FAM111A: variants seen among roughly 807,000 people sequenced by gnomAD.
The protein encoded by FAM111A is serine protease FAM111A.
A neutral mutation model predicts 3.3 loss-of-function variants in FAM111A; 8 were observed. That is an observed-to-expected ratio of 2.39 (90% confidence interval 1.40 to 4.32). The LOEUF (loss-of-function observed/expected upper bound fraction) is 4.32. Ranked by LOEUF, FAM111A falls within the 30% of genes most tolerant of loss-of-function variation. The pLI is 0.00. For synonymous variants in FAM111A, 227 were observed against 243.1 expected (o/e 0.93, Z 0.62); for missense variants, 683 against 727.6 (o/e 0.94, Z 0.71).
Position 59,151,737 on chromosome 11 carries a change from C to G in FAM111A, c.82-13C>G, listed in dbSNP as rs1198265889. 2 of 1,548,590 alleles carry G rather than the reference C, an allele frequency of 1.3e-6. No homozygotes were observed. The highest frequency in any genetic ancestry group is 1.7e-6 in the Non-Finnish European group (2 of 1,149,882). On this transcript the variant is annotated splice_polypyrimidine_tract_variant and intron_variant, in intron 5 of 5. Transcript: ENST00000675163. ...GCATTCAGAGTTTTAAAGTATCTAA[C>G]ATTTATTTTTAGGTCTCTAAAGAGC...
Position 59,153,360 on chromosome 11 carries a change from C to A in FAM111A, c.1692C>A (p.Tyr564Ter), listed in dbSNP as rs1400352534. 3 of 1,614,016 alleles carry A rather than the reference C, an allele frequency of 1.9e-6. No homozygotes were observed. The highest frequency in any genetic ancestry group is 1.7e-5 in the Admixed American group (1 of 59,994). Reference protein sequence around the residue: ...AMHAAGFAYTYQNETRSIIEF... With the variant: ...AMHAAGFAYT ...ATGCTGCTGGCTTTGCTTATACTTA[C>A]CAAAATGAGACTCGTAGTATCATTG... Residue 564 changes from tyrosine to a stop codon, truncating the protein, a stop_gained, in exon 6 of 6, where the codon TAC becomes TAA. Coordinates refer to ENST00000675163, the MANE Select transcript of FAM111A (RefSeq NM_001312909.2). LOFTEE classifies it low-confidence loss of function (END_TRUNC).
chr11:59,149,082 T>C, intron 5 of FAM111A, 129 bp downstream of exon 5: 1 of 661,382 alleles, frequency 1.5e-6, no homozygotes, highest in Non-Finnish European at 2.7e-6. Context: ...GGCATAGTAT[T>C]GGCATATAAT....
In FAM111A at chr11:59,153,297, C is replaced by T. The variant is rs751617586; in HGVS notation, c.1629C>T (p.Ser543=). 2 of 1,614,134 alleles carry T rather than the reference C, an allele frequency of 1.2e-6. No homozygotes were observed. The highest frequency in any genetic ancestry group is 4.5e-5 in the East Asian group (2 of 44,882). ...AATTTTTCTTTGGGGCTTCCGGCTC[C>T]CCTGTGTTTGATTCAAAAGGTTCAT... is the stretch of plus-strand genomic sequence containing the variant. ...DTEFFFGASG[S]PVFDSKGSLV... is the part of the protein sequence containing the mutation. Residue 543 remains serine (S), a synonymous_variant, in exon 6 of 6, where the codon TCC becomes TCT. Transcript: ENST00000675163.
In FAM111A at chr11:59,152,070, CAA is replaced by C; in HGVS notation, c.404_405del (p.Lys135ArgfsTer14). 1 of 1,614,148 alleles carries C rather than the reference CAA, an allele frequency of 6.2e-7. No homozygotes were observed. The highest frequency in any genetic ancestry group is 8.5e-7 in the Non-Finnish European group (1 of 1,180,024). On this transcript the variant is annotated frameshift_variant, in exon 6 of 6. Transcript: ENST00000675163. LOFTEE classifies it low-confidence loss of function (END_TRUNC). The part of the protein sequence containing the change: ...EMLVRGTEGI[K>X]EYINLGMPLS... ...TGCTTGTGCGTGGCACAGAAGGAAT[CAA>C]AGAGTACATAAACCTTGGAATGCCC...
chr11:59,153,340 G>A lies in FAM111A; in HGVS notation c.1672G>A (p.Ala558Thr). 6.2e-7 allele frequency: 1 copy of A among 1,614,150 alleles called. No homozygotes were observed. Among genetic ancestry groups the A allele is most frequent in the Non-Finnish European group, 8.5e-7 (1 of 1,180,024 alleles). Residue 558 changes from alanine (A) to threonine (T), a missense_variant, in exon 6 of 6, where the codon GCT becomes ACT. This residue lies in a region of FAM111A where 122 missense variants were observed against 110.9 expected (regional missense o/e 1.10). Coordinates refer to ENST00000675163, the MANE Select transcript of FAM111A (RefSeq NM_001312909.2). The part of the protein sequence containing the change: ...SKGSLVAMHA[A>T]GFAYTYQNET... ...AGGTTCATTGGTGGCCATGCATGCTGCTGGCTTTGCTTATACTTACCAAAA... is the reference window on the plus strand; with the variant it reads ...AGGTTCATTGGTGGCCATGCATGCTACTGGCTTTGCTTATACTTACCAAAA...
chr11:59,153,649 C>T lies in FAM111A; in HGVS notation c.*145C>T. The T allele has an allele frequency of 1.5e-6, 1 of 659,626 alleles. No homozygotes were observed. The highest frequency in any genetic ancestry group is 2.2e-5 in the South Asian group (1 of 45,734). 40.9% of individuals were successfully genotyped at this position (659,626 alleles called of 1,614,324 possible). On this transcript the variant is annotated 3_prime_UTR_variant, in exon 6 of 6. Transcript: ENST00000675163. ...CCTATCTGCCAGGCATTTTTCTAAG[C>T]ACATGAAGAAATTAGTCCTAACAAC... is the stretch of plus-strand genomic sequence containing the variant.
In FAM111A at chr11:59,152,199, A is replaced by G. The variant is rs185713600; in HGVS notation, c.531A>G (p.Ala177=). 37 of 1,614,220 alleles carry G rather than the reference A, an allele frequency of 2.3e-5. No homozygotes were observed. In the Admixed American group the frequency reaches 6.2e-4, roughly 27 times the overall value. The change falls in exon 6 of 6, where the codon GCA becomes GCG. Residue 177 remains alanine, a synonymous_variant. Coordinates refer to ENST00000675163, the MANE Select transcript of FAM111A (RefSeq NM_001312909.2). ...ACATATTTGGCAGGCAGGACAAAGC[A>G]TCGACTGAATGTGTCAAATTTTACA... ...DNHIFGRQDK[A]STECVKFYIH...
intron 3 of FAM111A, chr11:59,145,319 G>A (rs1860713843): frequency 6.6e-6 from 1 of 152,410 alleles, no homozygotes; most frequent in Admixed American, 6.6e-5. Flanking sequence ...GAGATTGAGA[G>A]ACAGAGAAAT....
chr11:59,150,846 CCTT>C (rs1215367798), intron 5 of FAM111A, among the ~76,000 whole-genome samples: 1 of 152,086 alleles, frequency 6.6e-6, no homozygotes, highest in Non-Finnish European at 1.5e-5. Context: ...GTTTGTTCCT[CCTT>C]ATTTTATAAA....
In FAM111A at chr11:59,151,801, T is replaced by A. The variant is rs369963232; in HGVS notation, c.133T>A (p.Ser45Thr). The change falls in exon 6 of 6, where the codon TCT becomes ACT. Residue 45 changes from serine to threonine, a missense_variant. This residue lies in a region of FAM111A where 557 missense variants were observed against 600.2 expected (regional missense o/e 0.93). Transcript: ENST00000675163. ...CAGTACTTCTCTAATGAGGATGGAG[T>A]CTAGAGGAGACCCAAGAGCCACAAC... The part of the protein sequence containing the change: ...NCSTSLMRME[S>T]RGDPRATTNT... 29 of 1,612,862 alleles carry A rather than the reference T, an allele frequency of 1.8e-5. No homozygotes were observed. Among genetic ancestry groups the A allele is most frequent in the South Asian group, 1.1e-5 (1 of 90,916 alleles).
chr11:59,152,876 T>A lies in FAM111A; in HGVS notation c.1208T>A (p.Ile403Lys). 6.2e-7 allele frequency: 1 copy of A among 1,614,174 alleles called. No homozygotes were observed. Among genetic ancestry groups the A allele is most frequent in the Non-Finnish European group, 8.5e-7 (1 of 1,180,032 alleles). ...ATAGAGCCAAGTAAGTGGGCAACCA[T>A]AATTGGTCAATGTGTAAGGGTGACA... ...DGIEPSKWAT[I>K]IGQCVRVTFG... Residue 403 changes from isoleucine (I) to lysine (K), a missense_variant, in exon 6 of 6, where the codon ATA becomes AAA. Around this residue, in one of 3 missense-constraint regions of FAM111A, gnomAD observed 557 missense variants for 600.2 expected, o/e 0.93. Coordinates refer to ENST00000675163, the MANE Select transcript of FAM111A (RefSeq NM_001312909.2).
rs373283583 is a variant in FAM111A, at chr11:59,152,719, G to T, written c.1051G>T (p.Val351Leu). 2 of 1,614,102 alleles carry T rather than the reference G, an allele frequency of 1.2e-6. No individual in the cohort carries two copies. Among genetic ancestry groups the T allele is most frequent in the African/African-American group, 2.7e-5 (2 of 74,950 alleles). Reference protein sequence around the residue: ...SSSIKVVKLLVRLSDSVGYLF... With the variant: ...SSSIKVVKLLLRLSDSVGYLF... ...TTCGATTAAAGTAGTGAAACTTCTTGTACGTCTCAGTGACTCAGTTGGGTA... is the reference window on the plus strand; with the variant it reads ...TTCGATTAAAGTAGTGAAACTTCTTTTACGTCTCAGTGACTCAGTTGGGTA... The change falls in exon 6 of 6, where the codon GTA becomes TTA. Residue 351 changes from valine (V) to leucine (L), a missense_variant. Physicochemically the swap from Val to Leu is conservative, Grantham distance 32. Transcript: ENST00000675163.
rs747556023 is a variant in FAM111A at position 59,152,718 on chromosome 11, T to G, written c.1050T>G (p.Leu350=). Residue 350 remains leucine, a synonymous_variant, in exon 6 of 6, where the codon CTT becomes CTG. Transcript: ENST00000675163. ...NSSSIKVVKL[L]VRLSDSVGYL... ...CTTCGATTAAAGTAGTGAAACTTCTTGTACGTCTCAGTGACTCAGTTGGGT... is the reference window on the plus strand; with the variant it reads ...CTTCGATTAAAGTAGTGAAACTTCTGGTACGTCTCAGTGACTCAGTTGGGT... The G allele has an allele frequency of 1.2e-6, 2 of 1,614,250 alleles. No individual in the cohort carries two copies. Among genetic ancestry groups the G allele is most frequent in the Admixed American group, 3.3e-5 (2 of 60,034 alleles).
At chr11:59,146,082 G>C (rs776405720) in intron 4 of FAM111A, among the ~76,000 whole-genome samples, 163 of 147,702 alleles carry the variant, frequency 1.1e-3, no homozygotes, top group Middle Eastern at 3.5e-3. Flanking sequence ...GTGTGTGACA[G>C]AGAGAGAGAG....
Position 59,149,078 on chromosome 11 carries a change from G to C in FAM111A, c.81+125G>C, listed in dbSNP as rs1195676218. 4.4e-6 allele frequency: 3 copies of C among 675,520 alleles called. No individual in the cohort carries two copies. In the African/African-American group the frequency reaches 5.4e-5, roughly 12 times the overall value. 41.8% of individuals were successfully genotyped at this position (675,520 alleles called of 1,614,324 possible). ...CAAATTCTTCACATAACATGGCATA[G>C]TATTGGCATATAATGTATCATATCC... On this transcript the variant is annotated intron_variant, in intron 5 of 5. Transcript: ENST00000675163.
At position 59,152,183 on chromosome 11, in the gene FAM111A, G is replaced by T. The variant is rs758793470; in HGVS notation, c.515G>T (p.Gly172Val). 1.2e-6 allele frequency: 2 copies of T among 1,614,112 alleles called. No homozygotes were observed. The highest frequency in any genetic ancestry group is 3.3e-5 in the Admixed American group (2 of 59,996). The stretch of plus-strand genomic sequence containing the variant: ...CAGAAGGAAGATAACCACATATTTG[G>T]CAGGCAGGACAAAGCATCGACTGAA... ...SKQKEDNHIF[G>V]RQDKASTECV... is the part of the protein sequence containing the mutation. The change falls in exon 6 of 6, where the codon GGC becomes GTC. Residue 172 changes from glycine to valine, a missense_variant. Physicochemically the swap from Gly to Val is moderately radical, Grantham distance 109. This residue lies in a region of FAM111A where 557 missense variants were observed against 600.2 expected (regional missense o/e 0.93). Coordinates refer to ENST00000675163, the MANE Select transcript of FAM111A (RefSeq NM_001312909.2).
intron 4 of FAM111A, among the ~76,000 whole-genome samples, chr11:59,146,231 C>T (rs1447846344): frequency 6.6e-6 from 1 of 151,978 alleles, no homozygotes; most frequent in Admixed American, 6.6e-5. Flanking sequence ...ATTACAGGCA[C>T]CCACCACCAT....
chr11:59,151,393 C>T (rs910314392), intron 5 of FAM111A, among the ~76,000 whole-genome samples: 1 of 152,208 alleles, frequency 6.6e-6, no homozygotes, highest in Non-Finnish European at 1.5e-5. Flanking sequence ...TCAGGTGATC[C>T]ACCCGCCTTG....
chr11:59,147,900 T>G (rs186134102), intron 4 of FAM111A, among the ~76,000 whole-genome samples: 1 of 152,208 alleles, frequency 6.6e-6, no homozygotes, highest in African/African-American at 2.4e-5. Context: ...AGTACCTATC[T>G]CATAGGGTTG....
Sources: allele counts gnomAD v4.1 joint callset (sites outside exome capture counted in the v4.1 genomes callset), GRCh38; gene constraint gnomAD v4.1.1; regional missense constraint gnomAD v4.1.1; transcripts MANE v1.5; gene names NCBI Gene and HGNC (gene_info 2026-07-23, HGNC 2026-07-21).